ARHGEF37: variants seen among roughly 807,000 people sequenced by gnomAD.
ARHGEF37 encodes Rho guanine nucleotide exchange factor (GEF) 37.
In ARHGEF37, 55 loss-of-function variants were observed where a neutral mutation model predicts 71.1. The observed-to-expected ratio is 0.77, with a 90% CI of 0.62 to 0.97. ARHGEF37 has a LOEUF of 0.97. Ranked by LOEUF, ARHGEF37 falls within the 50% of genes least tolerant of loss-of-function variation. The probability of loss-of-function intolerance (pLI) is 0.00; values close to 1 mark genes in which losing one functional copy is unlikely to be tolerated. For missense variants in ARHGEF37, 765 were observed against 836.8 expected, an observed-to-expected ratio of 0.91 and a Z score of 1.06; for synonymous variants, 327 against 350.6, an observed-to-expected ratio of 0.93 and a Z score of 0.75.
At chr5:149,556,366 G>GTATTTATTTATTTATT (rs34107862) in intron 1 of ARHGEF37, among the ~76,000 whole-genome samples, 548 of 142,746 alleles carry the variant, frequency 3.8e-3, no homozygotes, top group African/African-American at 0.011. Flanking sequence ...GCTAGTTTTT[G>GTATTTATTTATTTATT]TATTTATTTA....
chr5:149,632,403 C>T lies in ARHGEF37; in HGVS notation c.*212C>T, dbSNP rs1580945199. 1.4e-5 allele frequency: 8 copies of T among 588,114 alleles called. No individual in the cohort carries two copies. Among genetic ancestry groups the T allele is most frequent in the East Asian group, 5.7e-5 (2 of 35,332 alleles). 36.4% of individuals were successfully genotyped at this position (588,114 alleles called of 1,614,324 possible). A position where few individuals can be genotyped will look rare whatever the true frequency, so the allele number is the denominator to read the frequency against. On this transcript the variant is annotated 3_prime_UTR_variant, in exon 13 of 13. Coordinates refer to ENST00000333677, the MANE Select transcript of ARHGEF37 (RefSeq NM_001001669.3). ...ACAGGAGGCTCCAGCCAGGACTGCT[C>T]ATTATGTCTGCATAAAGAACTCATT...
At chr5:149,564,779 G>A (rs1762879921) in intron 1 of ARHGEF37, among the ~76,000 whole-genome samples, 1 of 152,106 alleles carries the variant, frequency 6.6e-6, no homozygotes, top group Non-Finnish European at 1.5e-5. Context: ...AACCGAGATC[G>A]CGCCATTGCA....
At chr5:149,594,851 C>G (rs987343099) in intron 1 of ARHGEF37, among the ~76,000 whole-genome samples, 1 of 152,124 alleles carries the variant, frequency 6.6e-6, no homozygotes, top group Non-Finnish European at 1.5e-5. Context: ...ATCCTTTGTA[C>G]TTTTTTAAAC....
At chr5:149,574,982 TG>T (rs1299598104) in intron 1 of ARHGEF37, among the ~76,000 whole-genome samples, 2 of 152,226 alleles carry the variant, frequency 1.3e-5, no homozygotes, top group African/African-American at 4.8e-5. Context: ...TCTAGACAGA[TG>T]ATCTTTCTAG....
At chr5:149,620,741 G>A (rs1289157909) in intron 8 of ARHGEF37, among the ~76,000 whole-genome samples, 1 of 151,242 alleles carries the variant, frequency 6.6e-6, no homozygotes, top group Non-Finnish European at 1.5e-5. Context: ...TGAGGCAGGA[G>A]AATTGCTTGA....
chr5:149,575,748 C>T (rs914642311), intron 1 of ARHGEF37, among the ~76,000 whole-genome samples: 13 of 137,564 alleles, frequency 9.5e-5, no homozygotes, highest in African/African-American at 3.3e-4. Flanking sequence ...GTGACGCAAT[C>T]TCAGCTCACT....
chr5:149,565,829 A>ATTTTTTTTTTTTTT lies in ARHGEF37; in HGVS notation c.-12+13728_-12+13741dup, dbSNP rs201683478. Among the ~76,000 whole-genome samples the ATTTTTTTTTTTTTT allele has an allele frequency of 1.2e-3, 105 of 84,562 alleles. 10 individuals are homozygous for ATTTTTTTTTTTTTT. Among genetic ancestry groups the ATTTTTTTTTTTTTT allele is most frequent in the Non-Finnish European group, 1.8e-3 (67 of 37,428 alleles). The allele number at this position is 84,562 out of a possible 152,430, so 55.5% of individuals were successfully genotyped here. A position where few individuals can be genotyped will look rare whatever the true frequency, so the allele number is the denominator to read the frequency against. On this transcript the variant is annotated intron_variant, in intron 1 of 2. Transcript: ENST00000505810. ...TAGCTTTGTAATGTCAGAAACTCTAATTTTTTTTTTTTTTTTTTTTTTTTT... is the reference window on the plus strand; with the variant it reads ...TAGCTTTGTAATGTCAGAAACTCTAATTTTTTTTTTTTTTTTTTTTTTTTTTTTTTTTTTTTTTT...
At chr5:149,558,123 T>C (rs1327889211) in intron 1 of ARHGEF37, among the ~76,000 whole-genome samples, 1 of 152,122 alleles carries the variant, frequency 6.6e-6, no homozygotes, top group Non-Finnish European at 1.5e-5. Flanking sequence ...CCACCTGACT[T>C]GGCCTCCCAA....
At chr5:149,603,646 C>T (rs1763824837) in intron 3 of ARHGEF37, among the ~76,000 whole-genome samples, 1 of 152,164 alleles carries the variant, frequency 6.6e-6, no homozygotes, top group African/African-American at 2.4e-5. Flanking sequence ...TTTTAAAAAG[C>T]ACCTGTAGGC....
chr5:149,603,369 T>C (rs1725962894), intron 3 of ARHGEF37, among the ~76,000 whole-genome samples: 1 of 152,190 alleles, frequency 6.6e-6, no homozygotes, highest in Admixed American at 6.5e-5. Context: ...CATTTTACAG[T>C]TGAGGAATCT....
chr5:149,610,168 T>A (rs1764036653), intron 4 of ARHGEF37, among the ~76,000 whole-genome samples: 1 of 152,118 alleles, frequency 6.6e-6, no homozygotes, highest in Non-Finnish European at 1.5e-5. Context: ...ATGTCCAGGG[T>A]TGGAGAAGCG....
intron 1 of ARHGEF37, among the ~76,000 whole-genome samples, chr5:149,574,496 C>G (rs78919004): frequency 0.24 from 37,179 of 152,088 alleles, 5,198 homozygotes; most frequent in African/African-American, 0.37. Context: ...TTGCCTGCCC[C>G]TTGGTTGTGT....
intron 1 of ARHGEF37, among the ~76,000 whole-genome samples, chr5:149,562,518 G>A (rs1173174021): frequency 6.6e-6 from 1 of 151,954 alleles, no homozygotes; most frequent in Non-Finnish European, 1.5e-5. Flanking sequence ...GCGCGATCTC[G>A]GCTCACTGCA....
At chr5:149,569,138 T>C (rs1430689659) in intron 1 of ARHGEF37, among the ~76,000 whole-genome samples, 2 of 152,060 alleles carry the variant, frequency 1.3e-5, no homozygotes, top group Non-Finnish European at 2.9e-5. Flanking sequence ...TTATCCTTTA[T>C]ACTGTAAGTG....
intron 3 of ARHGEF37, among the ~76,000 whole-genome samples, chr5:149,604,827 C>T (rs984386513): frequency 4.6e-5 from 7 of 151,562 alleles, no homozygotes; most frequent in Non-Finnish European, 7.4e-5. Flanking sequence ...GGATTACAGG[C>T]GTGCGCCACC....
intron 3 of ARHGEF37, among the ~76,000 whole-genome samples, chr5:149,607,236 T>G (rs763129901): frequency 1.3e-5 from 2 of 152,182 alleles, no homozygotes; most frequent in African/African-American, 2.4e-5. Context: ...ACCTGGAGAT[T>G]TATTTCCTCT....
At chr5:149,592,592 T>C (rs1012886414) in intron 1 of ARHGEF37, among the ~76,000 whole-genome samples, 1 of 152,214 alleles carries the variant, frequency 6.6e-6, no homozygotes, top group African/African-American at 2.4e-5. Flanking sequence ...AAATAAAGCT[T>C]CTGTGAACAC....
At chr5:149,583,949 G>A (rs138202624) in intron 1 of ARHGEF37, among the ~76,000 whole-genome samples, 2 of 152,078 alleles carry the variant, frequency 1.3e-5, no homozygotes, top group East Asian at 1.9e-4. Context: ...TTGTAGACAC[G>A]GGGTCTTGCT....
chr5:149,592,193 T>C (rs1405861168), intron 1 of ARHGEF37, among the ~76,000 whole-genome samples: 2 of 152,212 alleles, frequency 1.3e-5, no homozygotes, highest in Non-Finnish European at 2.9e-5. Context: ...CATTTTATCA[T>C]GTGTAGATTT....
Sources: allele counts gnomAD v4.1 joint callset (sites outside exome capture counted in the v4.1 genomes callset), GRCh38; gene constraint gnomAD v4.1.1; transcripts MANE v1.5; gene names NCBI Gene and HGNC (gene_info 2026-07-23, HGNC 2026-07-21).